The following KAZN variants were observed in gnomAD, a reference collection of about 807,000 sequenced individuals.
KAZN encodes kazrin.
KAZN carries 40 observed loss-of-function variants against 87.4 expected under a neutral mutation model. The ratio of observed to expected loss-of-function variants is 0.46; its 90% CI spans 0.36 to 0.60. KAZN has a LOEUF of 0.60. Ranked by LOEUF, KAZN falls within the 20% of genes least tolerant of loss-of-function variation. The probability of loss-of-function intolerance (pLI) is 0.00; values close to 1 mark genes in which losing one functional copy is unlikely to be tolerated. For synonymous variants in KAZN, 466 were observed against 458.3 expected, an observed-to-expected ratio of 1.02 and a Z score of -0.22; for missense variants, 898 against 1,073.9, an observed-to-expected ratio of 0.84 and a Z score of 2.29.
intron 2 of KAZN, among the ~76,000 whole-genome samples, chr1:14,230,259 T>A (rs571026330): frequency 6.6e-6 from 1 of 152,328 alleles, no homozygotes; most frequent in South Asian, 2.1e-4. Context: ...TACATAAAAT[T>A]TCCAAGGTGA....
At chr1:14,802,885 A>G (rs1183194426) in intron 1 of KAZN, among the ~76,000 whole-genome samples, 1 of 152,146 alleles carries the variant, frequency 6.6e-6, no homozygotes, top group Admixed American at 6.6e-5. Context: ...GGGAACGAGG[A>G]GTGAGCAGCA....
At chr1:14,715,578 CAG>C (rs1642750239) in intron 1 of KAZN, among the ~76,000 whole-genome samples, 1 of 152,178 alleles carries the variant, frequency 6.6e-6, no homozygotes, top group Admixed American at 6.5e-5. Context: ...CGGGGGCTGG[CAG>C]ATGAGCCAGT....
At chr1:14,775,369 T>C (rs566157416) in intron 1 of KAZN, among the ~76,000 whole-genome samples, 4 of 152,336 alleles carry the variant, frequency 2.6e-5, no homozygotes, top group Admixed American at 6.5e-5. Context: ...GCGTCATGCT[T>C]CCCCTGGAGG....
At chr1:13,916,326 G>C (rs956882917) in intron 1 of KAZN, among the ~76,000 whole-genome samples, 1 of 152,160 alleles carries the variant, frequency 6.6e-6, no homozygotes. Flanking sequence ...CTCTGATTAT[G>C]TTCTGTTTCT....
chr1:14,039,288 C>A (rs1270373992), intron 1 of KAZN, among the ~76,000 whole-genome samples: 1 of 152,196 alleles, frequency 6.6e-6, no homozygotes, highest in Non-Finnish European at 1.5e-5. Context: ...GCCAAGACTT[C>A]CACTCTCTAC....
intron 1 of KAZN, among the ~76,000 whole-genome samples, chr1:14,696,166 C>T (rs971688090): frequency 1.3e-4 from 20 of 152,148 alleles, no homozygotes; most frequent in African/African-American, 4.6e-4. Context: ...CTTTATTCAT[C>T]CTGAAAGTAT....
At chr1:15,045,454 C>T (rs12116861) in intron 4 of KAZN, among the ~76,000 whole-genome samples, 18,763 of 152,154 alleles carry the variant, frequency 0.12, 1,253 homozygotes, top group Non-Finnish European at 0.15. Flanking sequence ...TTAGGGGTGC[C>T]GATCCCCTGC....
chr1:14,565,045 A>G (rs1287044628), intron 2 of KAZN, among the ~76,000 whole-genome samples: 1 of 152,154 alleles, frequency 6.6e-6, no homozygotes, highest in Non-Finnish European at 1.5e-5. Flanking sequence ...CTTTGCATAC[A>G]CCAAAAGTGT....
rs766224394 is a variant in KAZN, at chr1:14,960,885, G to A, written c.418+10G>A. The A allele has an allele frequency of 2.4e-5, 38 of 1,595,598 alleles. No individual in the cohort carries two copies. The highest frequency in any genetic ancestry group is 5.4e-5 in the African/African-American group (4 of 74,456). ...AAAGAAGCCTTGCAGGGTGAGTGAC[G>A]AGTCAGCAGCAGTTCCTTCGCTGGG... On this transcript the variant is annotated intron_variant, in intron 2 of 14. Transcript: ENST00000376030.
At chr1:14,721,271 C>T (rs1353701461) in intron 1 of KAZN, among the ~76,000 whole-genome samples, 10 of 152,122 alleles carry the variant, frequency 6.6e-5, no homozygotes, top group African/African-American at 2.4e-4. Context: ...TGAGTGAGTT[C>T]TCACGAGATC....
chr1:15,009,557 T>C lies in KAZN; in HGVS notation c.419-25192T>C, dbSNP rs577648075. Among the ~76,000 whole-genome samples the C allele has an allele frequency of 2.0e-5, 3 of 152,230 alleles. No homozygotes were observed. The East Asian group carries it at 5.8e-4, about 29-fold the overall frequency. On this transcript the variant is annotated intron_variant, in intron 2 of 14. Coordinates refer to ENST00000376030, the MANE Select transcript of KAZN (RefSeq NM_201628.3). ...AAGCCCACAGCAGTTGAGAGATGTGTTGGGAGAGGCTGCTTTGAGCACCCA... is the reference window on the plus strand; with the variant it reads ...AAGCCCACAGCAGTTGAGAGATGTGCTGGGAGAGGCTGCTTTGAGCACCCA...
chr1:14,654,703 G>A (rs1475707178), intron 1 of KAZN, among the ~76,000 whole-genome samples: 2 of 152,154 alleles, frequency 1.3e-5, no homozygotes, highest in East Asian at 1.9e-4. Flanking sequence ...TTGGGATTTC[G>A]TCTTGGGCCT....
intron 1 of KAZN, among the ~76,000 whole-genome samples, chr1:14,877,595 G>T (rs1264645084): frequency 6.6e-6 from 1 of 152,194 alleles, no homozygotes; most frequent in South Asian, 2.1e-4. Context: ...CCGAAAGCCT[G>T]TGACAGCTTG....
intron 2 of KAZN, among the ~76,000 whole-genome samples, chr1:14,372,517 A>G (rs1483843369): frequency 6.6e-6 from 1 of 152,236 alleles, no homozygotes; most frequent in East Asian, 1.9e-4. Context: ...ATTGGATGCT[A>G]GTAACACCAA....
chr1:14,440,408 C>T (rs1023752674), intron 2 of KAZN, among the ~76,000 whole-genome samples: 24 of 152,230 alleles, frequency 1.6e-4, no homozygotes, highest in African/African-American at 5.1e-4. Flanking sequence ...AAGGATCGGG[C>T]GTGTTCTGCT....
chr1:13,939,237 A>T (rs1274695291), intron 1 of KAZN, among the ~76,000 whole-genome samples: 1 of 152,260 alleles, frequency 6.6e-6, no homozygotes, highest in East Asian at 1.9e-4. Flanking sequence ...TTGAATAAAA[A>T]TTCTAGCTTT....
intron 2 of KAZN, among the ~76,000 whole-genome samples, chr1:14,331,005 G>T (rs1225222615): frequency 6.6e-6 from 1 of 152,176 alleles, no homozygotes; most frequent in African/African-American, 2.4e-5. Context: ...TCCCCTGTTA[G>T]CTGGGTCTGT....
At chr1:14,844,242 C>T (rs1648394571) in intron 1 of KAZN, among the ~76,000 whole-genome samples, 3 of 152,152 alleles carry the variant, frequency 2.0e-5, no homozygotes, top group Admixed American at 2.0e-4. Context: ...TGTACTCTCA[C>T]TTCTATTTTC....
intron 1 of KAZN, among the ~76,000 whole-genome samples, chr1:14,750,358 G>T (rs920675267): frequency 2.0e-5 from 3 of 152,044 alleles, no homozygotes. Flanking sequence ...ACAGCACTGT[G>T]GGCTGAATAG....
Sources: allele counts gnomAD v4.1 joint callset (sites outside exome capture counted in the v4.1 genomes callset), GRCh38; gene constraint gnomAD v4.1.1; transcripts MANE v1.5; gene names NCBI Gene and HGNC (gene_info 2026-07-23, HGNC 2026-07-21).